CADM2: variants seen among roughly 807,000 people sequenced by gnomAD.
The protein encoded by CADM2 is cell adhesion molecule 2.
CADM2 carries 12 observed loss-of-function variants against 49.8 expected under a neutral mutation model. That is an observed-to-expected ratio of 0.24 (90% confidence interval 0.15 to 0.39). The LOEUF is 0.39. Among genes scored for constraint, CADM2 ranks in the 10% least tolerant of loss-of-function variants. The pLI, the probability that CADM2 is intolerant of heterozygous loss-of-function variation, is 1.00. For synonymous variants in CADM2, 214 were observed against 175.4 expected, an observed-to-expected ratio of 1.22 and a Z score of -1.74; for missense variants, 378 against 492.3, an observed-to-expected ratio of 0.77 and a Z score of 2.20.
At chr3:85,590,712 G>A (rs2063082571) in intron 1 of CADM2, among the ~76,000 whole-genome samples, 1 of 151,814 alleles carries the variant, frequency 6.6e-6, no homozygotes, top group African/African-American at 2.4e-5. Context: ...GATAAGGAAT[G>A]ATTTGCTAAG....
intron 2 of CADM2, among the ~76,000 whole-genome samples, chr3:85,799,038 GA>G (rs923785606): frequency 3.3e-5 from 5 of 152,224 alleles, no homozygotes; most frequent in African/African-American, 1.2e-4. Context: ...TAGCAATTGT[GA>G]ATGGGAGTTT....
chr3:85,438,515 A>G (rs915151926), intron 1 of CADM2, among the ~76,000 whole-genome samples: 1 of 152,222 alleles, frequency 6.6e-6, no homozygotes, highest in African/African-American at 2.4e-5. Flanking sequence ...TTTCTAAGAA[A>G]AAAAGAGTAA....
chr3:85,291,205 G>A (rs1030760259), intron 1 of CADM2, among the ~76,000 whole-genome samples: 5 of 152,028 alleles, frequency 3.3e-5, no homozygotes, highest in South Asian at 2.1e-4. Context: ...AAGATGAAAT[G>A]AATGAAATGA....
At chr3:85,934,842 T>C (rs1452283167) in intron 6 of CADM2, among the ~76,000 whole-genome samples, 1 of 151,966 alleles carries the variant, frequency 6.6e-6, no homozygotes, top group Admixed American at 6.6e-5. Flanking sequence ...GTGAGAATAA[T>C]TGTGATCTTC....
chr3:85,944,898 G>C (rs1287791174), intron 7 of CADM2, among the ~76,000 whole-genome samples: 4 of 152,000 alleles, frequency 2.6e-5, no homozygotes, highest in African/African-American at 9.7e-5. Flanking sequence ...ACATTCAAAA[G>C]CTAGCAGAAG....
intron 1 of CADM2, among the ~76,000 whole-genome samples, chr3:85,241,652 A>G (rs1208612075): frequency 6.6e-6 from 1 of 151,642 alleles, no homozygotes; most frequent in East Asian, 1.9e-4. Flanking sequence ...TAAACTTAGT[A>G]GATACATTTA....
intron 1 of CADM2, among the ~76,000 whole-genome samples, chr3:85,099,023 A>C (rs1487537861): frequency 6.6e-6 from 1 of 152,214 alleles, no homozygotes; most frequent in Non-Finnish European, 1.5e-5. Context: ...CCTGTAATAC[A>C]ATATGTAATC....
At chr3:85,482,127 T>C (rs2039238939) in intron 1 of CADM2, among the ~76,000 whole-genome samples, 1 of 151,868 alleles carries the variant, frequency 6.6e-6, no homozygotes, top group Non-Finnish European at 1.5e-5. Flanking sequence ...TTTGCCTTTA[T>C]TCCTAGGGCA....
intron 1 of CADM2, among the ~76,000 whole-genome samples, chr3:85,574,958 C>A (rs1335766024): frequency 6.6e-6 from 1 of 152,048 alleles, no homozygotes; most frequent in African/African-American, 2.4e-5. Flanking sequence ...AAGCTGATTA[C>A]CCTTATTGAG....
At chr3:85,113,698 T>TTG (rs1194461074) in intron 1 of CADM2, among the ~76,000 whole-genome samples, 1 of 151,378 alleles carries the variant, frequency 6.6e-6, no homozygotes, top group Non-Finnish European at 1.5e-5. Flanking sequence ...TTTTTTTTTT[T>TTG]TGTGCTATAG....
chr3:85,103,405 T>C (rs1031717181), intron 1 of CADM2, among the ~76,000 whole-genome samples: 10 of 152,032 alleles, frequency 6.6e-5, no homozygotes, highest in Non-Finnish European at 1.3e-4. Context: ...CAAAAAAAAA[T>C]GTAATTCAGT....
At chr3:85,837,523 C>T (rs2074461934) in intron 3 of CADM2, among the ~76,000 whole-genome samples, 1 of 151,552 alleles carries the variant, frequency 6.6e-6, no homozygotes. Context: ...AGAGGAAAGA[C>T]ACTTTGTACA....
intron 1 of CADM2, among the ~76,000 whole-genome samples, chr3:85,561,994 G>A (rs1028709810): frequency 2.0e-5 from 3 of 152,056 alleles, no homozygotes; most frequent in East Asian, 3.9e-4. Flanking sequence ...TTTTAGAAAA[G>A]TGCCTCAGAG....
chr3:85,576,436 C>T (rs2062635523), intron 1 of CADM2, among the ~76,000 whole-genome samples: 1 of 152,222 alleles, frequency 6.6e-6, no homozygotes, highest in Non-Finnish European at 1.5e-5. Context: ...TGACAAAATC[C>T]TGAATCTGAC....
chr3:85,009,948 G>T (rs946172044), intron 1 of CADM2, among the ~76,000 whole-genome samples: 2 of 151,400 alleles, frequency 1.3e-5, no homozygotes, highest in African/African-American at 2.4e-5. Context: ...AGCTAAATAA[G>T]ATAAAGGATA....
At chr3:86,055,527 C>T (rs1454836901) in intron 8 of CADM2, among the ~76,000 whole-genome samples, 3 of 136,972 alleles carry the variant, frequency 2.2e-5, no homozygotes, top group Admixed American at 8.4e-5. Context: ...AGTGCAGTAG[C>T]GCGATCTCAG....
At chr3:85,392,381 T>A (rs1367946276) in intron 1 of CADM2, among the ~76,000 whole-genome samples, 1 of 152,114 alleles carries the variant, frequency 6.6e-6, no homozygotes, top group Non-Finnish European at 1.5e-5. Flanking sequence ...AACAGATTAT[T>A]ATAATTATTA....
chr3:85,059,418 C>T (rs1037124823), intron 1 of CADM2, among the ~76,000 whole-genome samples: 1 of 151,632 alleles, frequency 6.6e-6, no homozygotes, highest in Non-Finnish European at 1.5e-5. Flanking sequence ...GTGTGATTTC[C>T]TTTCTCTGTG....
chr3:85,830,696 T>C (rs1276504956), intron 3 of CADM2, among the ~76,000 whole-genome samples: 1 of 151,890 alleles, frequency 6.6e-6, no homozygotes, highest in South Asian at 2.1e-4. Context: ...CTTTTGTATA[T>C]GGTATAAGGG....
Sources: allele counts gnomAD v4.1 joint callset (sites outside exome capture counted in the v4.1 genomes callset), GRCh38; gene constraint gnomAD v4.1.1; transcripts MANE v1.5; gene names NCBI Gene and HGNC (gene_info 2026-07-23, HGNC 2026-07-21).